The following ASCC3 variants were observed in gnomAD, a reference collection of about 807,000 sequenced individuals.
ASCC3 encodes the protein activating signal cointegrator 1 complex subunit 3.
In ASCC3, 158 loss-of-function variants were observed where a neutral mutation model predicts 256.3. The ratio of observed to expected loss-of-function variants is 0.62; its 90% CI spans 0.54 to 0.70. The LOEUF is 0.70. Ranked by LOEUF, ASCC3 falls within the 30% of genes least tolerant of loss-of-function variation. The probability of loss-of-function intolerance (pLI) is 0.00; values close to 1 mark genes in which losing one functional copy is unlikely to be tolerated. For missense variants in ASCC3, 2,259 were observed against 2,626.0 expected, an observed-to-expected ratio of 0.86 and a Z score of 3.05; for synonymous variants, 948 against 883.4, an observed-to-expected ratio of 1.07 and a Z score of -1.30.
rs1397250811 is a variant in ASCC3, at chr6:100,556,734, T to C, written c.5551-16347A>G. On this transcript the variant is annotated intron_variant, in intron 36 of 41. Transcript: ENST00000369162. The stretch of plus-strand genomic sequence containing the variant: ...AAGACTGTGTTGGGTACATTAAGTA[T>C]GTCAGAGAAACTAAAGTTGGAAGAT... Among the ~76,000 whole-genome samples the C allele has an allele frequency of 5.3e-5, 8 of 152,160 alleles. No homozygotes were observed. In the East Asian group the frequency reaches 1.3e-3, roughly 26 times the overall value.
intron 13 of ASCC3, among the ~76,000 whole-genome samples, chr6:100,711,868 C>T (rs1778868703): frequency 6.6e-6 from 1 of 152,080 alleles, no homozygotes; most frequent in South Asian, 2.1e-4. Context: ...CCAGAATAGC[C>T]AACACAATAT....
chr6:100,651,674 A>G, intron 18 of ASCC3, 28 bp from the exon 19 acceptor site: 1 of 1,173,770 alleles, frequency 8.5e-7, no homozygotes, highest in Non-Finnish European at 1.2e-6. Context: ...ATATTTGATT[A>G]AAATAAAAAT....
chr6:100,510,168 T>C lies in ASCC3; in HGVS notation c.6286-61A>G, dbSNP rs141396074. ...ATCTAGACTTCCTATACCACTTGGT[T>C]GTGGTTAAGGCTACGTTGTCTTACT... On this transcript the variant is annotated intron_variant, in intron 40 of 41. Coordinates refer to ENST00000369162, the MANE Select transcript of ASCC3 (RefSeq NM_006828.4). 253 of 1,573,612 alleles carry C rather than the reference T, an allele frequency of 1.6e-4. No individual in the cohort carries two copies. In the African/African-American group the frequency reaches 2.7e-3, roughly 17 times the overall value.
At chr6:100,795,258 T>C (rs1769552865) in intron 8 of ASCC3, among the ~76,000 whole-genome samples, 1 of 151,984 alleles carries the variant, frequency 6.6e-6, no homozygotes, top group Non-Finnish European at 1.5e-5. Context: ...TTGCTGCTTC[T>C]GCTGTCACAC....
At chr6:100,564,830 A>T (rs367831879) in intron 36 of ASCC3, among the ~76,000 whole-genome samples, 36 of 152,310 alleles carry the variant, frequency 2.4e-4, no homozygotes, top group Middle Eastern at 3.4e-3. Context: ...TAACTAGGAA[A>T]GGTGGTCAAG....
intron 4 of ASCC3, among the ~76,000 whole-genome samples, chr6:100,839,331 T>C (rs1482531044): frequency 1.3e-5 from 2 of 152,152 alleles, no homozygotes; most frequent in South Asian, 2.1e-4. Flanking sequence ...ACTGAATAAA[T>C]GAATGAGTGA....
At chr6:100,735,119 A>T (rs1263598331) in intron 10 of ASCC3, among the ~76,000 whole-genome samples, 2 of 152,218 alleles carry the variant, frequency 1.3e-5, no homozygotes, top group Non-Finnish European at 1.5e-5. Context: ...CAGTAAGGGT[A>T]GGAGCATGAT....
At chr6:100,644,239 GT>G in intron 22 of ASCC3, 110 bp from the exon 23 acceptor site, 2 of 764,210 alleles carry the variant, frequency 2.6e-6, no homozygotes, top group Non-Finnish European at 4.6e-6. Context: ...ATATTACAAA[GT>G]TTACTCATTT....
At position 100,628,084 on chromosome 6, in the gene ASCC3, AC is replaced by A. The variant is rs1443181203; in HGVS notation, c.4376-98del. The stretch of plus-strand genomic sequence containing the variant: ...GAAGAGTTTGTAGCTTCCTCAAAAA[AC>A]AAAAACAAAAAAAAAAACAAAAAAA... On this transcript the variant is annotated intron_variant, in intron 27 of 41. Coordinates refer to ENST00000369162, the MANE Select transcript of ASCC3 (RefSeq NM_006828.4). The A allele has an allele frequency of 1.2e-3, 1,517 of 1,270,338 alleles. 12 individuals carry two copies. The highest frequency in any genetic ancestry group is 2.1e-3 in the African/African-American group (133 of 63,556). 78.7% of individuals were successfully genotyped at this position (1,270,338 alleles called of 1,614,324 possible).
intron 4 of ASCC3, among the ~76,000 whole-genome samples, chr6:100,835,082 GAA>G (rs77429395): frequency 2.2e-5 from 3 of 136,716 alleles, no homozygotes; most frequent in African/African-American, 2.7e-5. Context: ...AGCCTTCGAG[GAA>G]AAAAAAAAAA....
At chr6:100,544,139 C>T (rs181946365) in intron 36 of ASCC3, among the ~76,000 whole-genome samples, 197 of 152,012 alleles carry the variant, frequency 1.3e-3, no homozygotes, top group African/African-American at 4.6e-3. Context: ...AAAAATATAA[C>T]GTCTCAGATT....
intron 36 of ASCC3, among the ~76,000 whole-genome samples, chr6:100,560,908 G>A (rs1769909020): frequency 1.3e-5 from 2 of 151,876 alleles, no homozygotes; most frequent in African/African-American, 4.8e-5. Context: ...TGTTGAGGGG[G>A]TATAAAGTAC....
At chr6:100,673,443 A>G (rs1776853903) in intron 14 of ASCC3, among the ~76,000 whole-genome samples, 3 of 152,098 alleles carry the variant, frequency 2.0e-5, no homozygotes, top group African/African-American at 7.2e-5. Context: ...ATTTTTGTCA[A>G]AACAGCATGA....
chr6:100,732,770 T>C (rs990705405), intron 10 of ASCC3, among the ~76,000 whole-genome samples: 2 of 104,404 alleles, frequency 1.9e-5, no homozygotes, highest in Non-Finnish European at 3.9e-5. Flanking sequence ...AATGCAATGG[T>C]CATCTATGTG....
chr6:100,686,514 T>C (rs950392781), intron 13 of ASCC3, among the ~76,000 whole-genome samples: 2 of 152,152 alleles, frequency 1.3e-5, no homozygotes, highest in African/African-American at 4.8e-5. Context: ...CACTGAACCA[T>C]ATTATCTTGA....
chr6:100,793,581 C>A (rs1310464999), intron 8 of ASCC3, among the ~76,000 whole-genome samples: 1 of 151,780 alleles, frequency 6.6e-6, no homozygotes, highest in Non-Finnish European at 1.5e-5. Flanking sequence ...GACATCATAG[C>A]AAAGATGATT....
At chr6:100,842,093 C>A (rs1392925611) in intron 4 of ASCC3, among the ~76,000 whole-genome samples, 1 of 152,170 alleles carries the variant, frequency 6.6e-6, no homozygotes, top group Non-Finnish European at 1.5e-5. Context: ...TATTGGTCCT[C>A]ATAGCTGAAA....
intron 30 of ASCC3, among the ~76,000 whole-genome samples, chr6:100,612,736 G>A (rs570848450): frequency 6.6e-6 from 1 of 151,846 alleles, no homozygotes; most frequent in Admixed American, 6.6e-5. Flanking sequence ...GCATTCTACT[G>A]ATACACTAAT....
chr6:100,758,181 T>C (rs1781271715), intron 10 of ASCC3, among the ~76,000 whole-genome samples: 1 of 152,190 alleles, frequency 6.6e-6, no homozygotes, highest in African/African-American at 2.4e-5. Context: ...ACGATACATA[T>C]AGCAGATGCT....
Sources: allele counts gnomAD v4.1 joint callset (sites outside exome capture counted in the v4.1 genomes callset), GRCh38; gene constraint gnomAD v4.1.1; transcripts MANE v1.5; gene names NCBI Gene and HGNC (gene_info 2026-07-23, HGNC 2026-07-21).